TMEM131L: variants seen among roughly 807,000 people sequenced by gnomAD.
TMEM131L encodes the protein transmembrane protein 131-like.
TMEM131L carries 54 observed loss-of-function variants against 192.2 expected under a neutral mutation model. The observed-to-expected ratio is 0.28, with a 90% CI of 0.23 to 0.35. The LOEUF is 0.35. Among genes scored for constraint, TMEM131L ranks in the 10% least tolerant of loss-of-function variants. The pLI is 1.00. For synonymous variants in TMEM131L, 701 were observed against 704.9 expected, an observed-to-expected ratio of 0.99 and a Z score of 0.09; for missense variants, 1,888 against 1,972.9, an observed-to-expected ratio of 0.96 and a Z score of 0.82.
intron 3 of TMEM131L, among the ~76,000 whole-genome samples, chr4:153,513,069 G>T (rs189575195): frequency 2.6e-5 from 4 of 152,104 alleles, no homozygotes; most frequent in African/African-American, 9.7e-5. Flanking sequence ...TTATCAAGGC[G>T]TCTAGAGAGG....
chr4:153,538,590 C>G (rs1262603072), intron 3 of TMEM131L, among the ~76,000 whole-genome samples: 1 of 152,202 alleles, frequency 6.6e-6, no homozygotes, highest in Non-Finnish European at 1.5e-5. Context: ...TCTGGCCGCC[C>G]TGAAAGGCTG....
chr4:153,521,761 TAGG>T (rs1735129685), intron 3 of TMEM131L, among the ~76,000 whole-genome samples: 2 of 152,288 alleles, frequency 1.3e-5, no homozygotes, highest in Admixed American at 1.3e-4. Context: ...GCGTGCTTCA[TAGG>T]AGGGAGAATC....
chr4:153,497,342 T>C (rs1733247974), intron 3 of TMEM131L, among the ~76,000 whole-genome samples: 1 of 152,140 alleles, frequency 6.6e-6, no homozygotes, highest in South Asian at 2.1e-4. Context: ...TCCAGGACTT[T>C]GGGTCATATG....
chr4:153,541,772 A>G (rs115541995), intron 3 of TMEM131L, among the ~76,000 whole-genome samples: 2,701 of 152,356 alleles, frequency 0.018, 88 homozygotes, highest in African/African-American at 0.06. Context: ...CCAAGCCGGC[A>G]AAAAGAGGGA....
chr4:153,479,859 C>T (rs778249637), intron 3 of TMEM131L, among the ~76,000 whole-genome samples: 1 of 152,206 alleles, frequency 6.6e-6, no homozygotes, highest in East Asian at 1.9e-4. Flanking sequence ...GGCAGTGAAA[C>T]ATTTCAGAGC....
In TMEM131L at chr4:153,620,883, G is replaced by A. The variant is rs2126727894; in HGVS notation, c.3692+3G>A. The stretch of plus-strand genomic sequence containing the variant: ...AGGGGTGTTGCTCCAGTCTCAAGGT[G>A]CGTAATTCTTACTATCTCTAATATT... On this transcript the variant is annotated splice_donor_region_variant and intron_variant, in intron 27 of 34. Transcript: ENST00000409959. 6.3e-7 allele frequency: 1 copy of A among 1,576,096 alleles called. No homozygotes were observed. Among genetic ancestry groups the A allele is most frequent in the Non-Finnish European group, 8.6e-7 (1 of 1,167,846 alleles).
At chr4:153,551,786 T>TA (rs1196668759) in intron 4 of TMEM131L, among the ~76,000 whole-genome samples, 4 of 152,252 alleles carry the variant, frequency 2.6e-5, no homozygotes, top group Non-Finnish European at 5.9e-5. Flanking sequence ...TTTATATTTT[T>TA]ACTCTTATGT....
At chr4:153,477,893 A>G (rs1731661782) in intron 3 of TMEM131L, among the ~76,000 whole-genome samples, 1 of 152,184 alleles carries the variant, frequency 6.6e-6, no homozygotes, top group Admixed American at 6.5e-5. Flanking sequence ...AGAGTTGTAT[A>G]ACTGTTACTA....
intron 7 of TMEM131L, among the ~76,000 whole-genome samples, chr4:153,562,060 C>G (rs1458955166): frequency 2.0e-5 from 3 of 146,904 alleles, no homozygotes; most frequent in African/African-American, 7.6e-5. Context: ...TTTTTTGAGG[C>G]AGAGTCTTGC....
chr4:153,589,146 A>G (rs1467298868), intron 16 of TMEM131L, 139 bp downstream of exon 16: 1 of 461,774 alleles, frequency 2.2e-6, no homozygotes, highest in Non-Finnish European at 3.8e-6. Context: ...GACCCTATAT[A>G]CTATGCATGA....
intron 29 of TMEM131L, among the ~76,000 whole-genome samples, chr4:153,624,721 T>G (rs113692937): frequency 0.012 from 1,784 of 152,276 alleles, 43 homozygotes; most frequent in African/African-American, 0.041. Flanking sequence ...ACCCCGGGCT[T>G]CTTCCCCCAG....
At chr4:153,472,925 G>A (rs1731258921) in intron 2 of TMEM131L, among the ~76,000 whole-genome samples, 1 of 152,228 alleles carries the variant, frequency 6.6e-6, no homozygotes, top group Non-Finnish European at 1.5e-5. Flanking sequence ...ACCCTGCTTT[G>A]GAGAGGTCAG....
At chr4:153,470,614 G>A (rs1036101926) in intron 2 of TMEM131L, among the ~76,000 whole-genome samples, 5 of 152,232 alleles carry the variant, frequency 3.3e-5, no homozygotes, top group African/African-American at 9.6e-5. Context: ...ATGCAAAGTG[G>A]TGATGGTGTG....
intron 3 of TMEM131L, among the ~76,000 whole-genome samples, chr4:153,502,209 G>A (rs1024015099): frequency 6.6e-6 from 1 of 152,130 alleles, no homozygotes; most frequent in Non-Finnish European, 1.5e-5. Context: ...CTCCCAAAGT[G>A]CTGGGATTAC....
rs181823442 is a variant in TMEM131L at position 153,579,437 on chromosome 4, T to C, written c.661-1389T>C. Among the ~76,000 whole-genome samples the C allele has an allele frequency of 8.5e-4, 130 of 152,290 alleles. No homozygotes were observed. The South Asian group carries it at 0.011, about 12-fold the overall frequency. ...ATGAACAATGATTTCTTTAAAAGAG[T>C]GTTTAATGTTTGGTCCCATTTACAA... On this transcript the variant is annotated intron_variant, in intron 7 of 34. Transcript: ENST00000409959.
intron 29 of TMEM131L, among the ~76,000 whole-genome samples, chr4:153,625,404 G>A (rs1733767563): frequency 6.6e-6 from 1 of 151,894 alleles, no homozygotes; most frequent in African/African-American, 2.4e-5. Context: ...AAAAAAAGGG[G>A]GTACATTAGT....
intron 4 of TMEM131L, among the ~76,000 whole-genome samples, chr4:153,550,897 T>G (rs1010339518): frequency 7.9e-5 from 12 of 152,166 alleles, no homozygotes; most frequent in Non-Finnish European, 1.6e-4. Flanking sequence ...CTGTAATGAC[T>G]TTACAGTATC....
intron 7 of TMEM131L, among the ~76,000 whole-genome samples, chr4:153,561,146 C>G (rs1364958993): frequency 3.3e-5 from 5 of 152,282 alleles, no homozygotes; most frequent in African/African-American, 1.2e-4. Context: ...TGACATGGAG[C>G]ATCTTTTCAT....
chr4:153,495,377 A>G (rs1168514298), intron 3 of TMEM131L, among the ~76,000 whole-genome samples: 2 of 152,094 alleles, frequency 1.3e-5, no homozygotes, highest in African/African-American at 4.8e-5. Flanking sequence ...TATGCCCGGA[A>G]CACAGCCTCA....
Sources: gnomAD v4.1 joint callset for allele counts (sites outside exome capture counted in the v4.1 genomes callset) on GRCh38, gnomAD v4.1.1 for gene constraint, MANE v1.5 for transcripts, NCBI Gene and HGNC (gene_info 2026-07-23, HGNC 2026-07-21) for gene names.